The following MAP4K4 variants were observed in gnomAD, a reference collection of about 807,000 sequenced individuals.
MAP4K4 encodes the protein mitogen-activated protein kinase kinase kinase kinase 4.
MAP4K4 carries 38 observed loss-of-function variants against 189.6 expected under a neutral mutation model. The observed-to-expected ratio is 0.20, with a 90% CI of 0.15 to 0.26. The LOEUF (loss-of-function observed/expected upper bound fraction) is 0.26. Ranked by LOEUF, MAP4K4 falls within the 10% of genes least tolerant of loss-of-function variation. The pLI is 1.00. For synonymous variants in MAP4K4, 610 were observed against 624.3 expected, an observed-to-expected ratio of 0.98 and a Z score of 0.34; for missense variants, 1,054 against 1,726.9, an observed-to-expected ratio of 0.61 and a Z score of 6.91.
chr2:101,874,229 A>T (rs1450799551), exon 26 of MAP4K4: 1 of 1,611,046 alleles, frequency 6.2e-7, no homozygotes, highest in Admixed American at 1.7e-5. Flanking sequence ...TTTAACTCTG[A>T]GATTCTGTGT....
intron 2 of MAP4K4, among the ~76,000 whole-genome samples, chr2:101,738,800 C>G (rs945734072): frequency 3.3e-5 from 5 of 151,966 alleles, no homozygotes; most frequent in African/African-American, 1.2e-4. Flanking sequence ...GTGGAAAGAT[C>G]ACTGTCTGCC....
chr2:101,804,047 T>C (rs2094649158), intron 3 of MAP4K4, among the ~76,000 whole-genome samples: 1 of 152,166 alleles, frequency 6.6e-6, no homozygotes, highest in African/African-American at 2.4e-5. Context: ...CCAGGCTCTC[T>C]CTGCTCCAAG....
chr2:101,769,639 A>C (rs2080339143), intron 2 of MAP4K4, among the ~76,000 whole-genome samples: 1 of 150,960 alleles, frequency 6.6e-6, no homozygotes, highest in South Asian at 2.1e-4. Context: ...GCTGGAGTGC[A>C]GTGGTGCGAT....
intron 28 of MAP4K4, 52 bp from the exon 29 acceptor site, chr2:101,885,135 T>C (rs2098462722): frequency 5.4e-6 from 5 of 918,646 alleles, no homozygotes; most frequent in South Asian, 3.0e-5. Context: ...TTTAGAGGGC[T>C]ATGTTGATAC....
rs565477971 is a variant in MAP4K4, at chr2:101,723,457, G to A, written c.123+24919G>A. 1.3e-4 allele frequency among the ~76,000 whole-genome samples: 20 copies of A among 152,276 alleles called. No homozygotes were observed. In the South Asian group the frequency reaches 2.7e-3, roughly 21 times the overall value. ...TAAGCAGAGACGGTAGATAAAGTAG[G>A]TTCTAATTTGCTTTTTGCCCAACCT... is the stretch of plus-strand genomic sequence containing the variant. On this transcript the variant is annotated intron_variant, in intron 2 of 32. Transcript: ENST00000324219.
At chr2:101,887,984 G>T in intron 31 of MAP4K4, 47 bp downstream of exon 31, 1 of 1,487,748 alleles carries the variant, frequency 6.7e-7, no homozygotes. Context: ...ATGGAGCCGT[G>T]TCTGAGACTC....
intron 12 of MAP4K4, 130 bp downstream of exon 12, chr2:101,844,441 C>T (rs1386660976): frequency 1.4e-6 from 1 of 730,418 alleles, no homozygotes; most frequent in Non-Finnish European, 2.3e-6. Context: ...CAGCTGTTTA[C>T]ATAACTTGTG....
At chr2:101,862,086 T>G (rs1381621799) in intron 16 of MAP4K4, 1 of 151,660 alleles carries the variant, frequency 6.6e-6, no homozygotes. Context: ...AATATAAAAA[T>G]CAGCCGGGTG....
chr2:101,867,800 G>A lies in MAP4K4; in HGVS notation c.2455-229G>A, dbSNP rs2097859714. The A allele has an allele frequency of 9.9e-6, 5 of 505,712 alleles. No homozygotes were observed. The South Asian group carries it at 1.1e-4, about 11-fold the overall frequency. 31.3% of individuals were successfully genotyped at this position (505,712 alleles called of 1,614,324 possible). The stretch of plus-strand genomic sequence containing the variant: ...TACCTTCTGCTTTTTGGTACCTGGG[G>A]TGATAGTTGTGACTGCTTCTCACCC... On this transcript the variant is annotated intron_variant, in intron 20 of 32. Transcript: ENST00000324219.
intron 2 of MAP4K4, among the ~76,000 whole-genome samples, chr2:101,721,209 A>G (rs1480642648): frequency 6.6e-6 from 1 of 152,244 alleles, no homozygotes; most frequent in Non-Finnish European, 1.5e-5. Context: ...ATCATACAAT[A>G]CATTGATACA....
At chr2:101,832,294 C>A (rs1191112257) in intron 7 of MAP4K4, among the ~76,000 whole-genome samples, 7 of 151,996 alleles carry the variant, frequency 4.6e-5, no homozygotes, top group African/African-American at 1.7e-4. Flanking sequence ...TTAGAGTGAC[C>A]TCTAGGGACT....
rs372783884 is a variant in MAP4K4, at chr2:101,870,324, C to T, written c.2669C>T (p.Thr890Met). The T allele has an allele frequency of 1.2e-5, 20 of 1,612,994 alleles. No homozygotes were observed. The South Asian group carries it at 1.4e-4, about 12-fold the overall frequency. The change falls in exon 23 of 33, where the codon ACG becomes ATG. Residue 890 changes from threonine to methionine, a missense_variant. Transcript: ENST00000324219. The stretch of plus-strand genomic sequence containing the variant: ...TCTCTGAATTTGAGCAATGGTGAAA[C>T]GGAATCTGTGAAAACCATGATTGTC...
intron 3 of MAP4K4, among the ~76,000 whole-genome samples, chr2:101,806,894 T>C (rs2094990872): frequency 6.6e-6 from 1 of 152,202 alleles, no homozygotes; most frequent in Admixed American, 6.5e-5. Flanking sequence ...GCCATTGAGA[T>C]AGAAGAGATT....
At chr2:101,811,381 A>AAAAAAAC (rs2095415796) in intron 3 of MAP4K4, among the ~76,000 whole-genome samples, 1 of 148,272 alleles carries the variant, frequency 6.7e-6, no homozygotes, top group Non-Finnish European at 1.5e-5. Flanking sequence ...AAAAAAAAAA[A>AAAAAAAC]AAAAAAAAAA....
At chr2:101,725,399 A>AAC (rs1491020669) in intron 2 of MAP4K4, among the ~76,000 whole-genome samples, 1 of 149,548 alleles carries the variant, frequency 6.7e-6, no homozygotes, top group South Asian at 2.2e-4. Flanking sequence ...AAAAAAAAAA[A>AAC]ACAAAAACAA....
At chr2:101,866,020 T>G (rs1190332883) in intron 18 of MAP4K4, among the ~76,000 whole-genome samples, 1 of 152,208 alleles carries the variant, frequency 6.6e-6, no homozygotes, top group Non-Finnish European at 1.5e-5. Flanking sequence ...AGTGTCAGTT[T>G]TTGAGAACAG....
chr2:101,724,857 C>A (rs1238644436), intron 2 of MAP4K4, among the ~76,000 whole-genome samples: 1 of 152,132 alleles, frequency 6.6e-6, no homozygotes, highest in African/African-American at 2.4e-5. Flanking sequence ...ATGTTTTAAT[C>A]CATGATGTAC....
At chr2:101,802,731 C>A (rs1289427649) in intron 3 of MAP4K4, among the ~76,000 whole-genome samples, 1 of 152,128 alleles carries the variant, frequency 6.6e-6, no homozygotes, top group Non-Finnish European at 1.5e-5. Context: ...CTCCACCATG[C>A]CACTAACTGC....
intron 2 of MAP4K4, among the ~76,000 whole-genome samples, chr2:101,728,007 G>A (rs771658786): frequency 6.6e-6 from 1 of 152,180 alleles, no homozygotes; most frequent in Non-Finnish European, 1.5e-5. Context: ...GCACACTAAG[G>A]GCTCCAGGGA....
Sources: gnomAD v4.1 joint callset for allele counts (sites outside exome capture counted in the v4.1 genomes callset) on GRCh38, gnomAD v4.1.1 for gene constraint, MANE v1.5 for transcripts, NCBI Gene and HGNC (gene_info 2026-07-23, HGNC 2026-07-21) for gene names.